Variants in TAB1 observed in about 807,000 individuals in gnomAD.
The protein encoded by TAB1 is TGF-beta-activated kinase 1 and MAP3K7-binding protein 1.
TAB1 carries 30 observed loss-of-function variants against 54.5 expected under a neutral mutation model. That is an observed-to-expected ratio of 0.55 (90% CI 0.41 to 0.75). The LOEUF (loss-of-function observed/expected upper bound fraction) is 0.75, where lower values mean the gene tolerates loss of function less well. Among genes scored for constraint, TAB1 ranks in the 30% least tolerant of loss-of-function variants. The pLI is 0.00. For synonymous variants in TAB1, 289 were observed against 286.9 expected (o/e 1.01, Z -0.07); for missense variants, 609 against 683.2 (o/e 0.89, Z 1.21).
Position 39,419,543 on chromosome 22 carries a change from A to G in TAB1, c.689A>G (p.Gln230Arg), listed in dbSNP as rs970780809. ...QLGLDAGKIKQVGIICGQEST... is the reference protein window; with the variant it reads ...QLGLDAGKIKRVGIICGQEST... ...GGCTTGGATGCTGGAAAGATCAAGC[A>G]GGTGGGGATCATCTGTGGGCAGGAG... The change falls in exon 7 of 11, where the codon CAG becomes CGG. Residue 230 changes from glutamine to arginine, a missense_variant. Coordinates refer to ENST00000216160, the MANE Select transcript of TAB1 (RefSeq NM_006116.3). 5 of 1,611,954 alleles carry G rather than the reference A, an allele frequency of 3.1e-6. No individual in the cohort carries two copies. Among genetic ancestry groups the G allele is most frequent in the African/African-American group, 1.3e-5 (1 of 74,992 alleles).
At chr22:39,421,688 C>G in intron 7 of TAB1, 139 bp from the exon 8 acceptor site, 1 of 943,246 alleles carries the variant, frequency 1.1e-6, no homozygotes, top group Non-Finnish European at 1.6e-6. Context: ...CTGACCTTCT[C>G]TTTCTCTCTT....
At chr22:39,433,552 G>T (rs1280685433), downstream of TAB1, 1 of 985,316 alleles carries the variant, frequency 1.0e-6, no homozygotes, top group African/African-American at 1.7e-5. Context: ...CCAGGACGGG[G>T]GCAGGTGGTC....
In TAB1 at chr22:39,418,740, C is replaced by T. The variant is rs1375452293; in HGVS notation, c.559C>T (p.Arg187Cys). Residue 187 changes from arginine to cysteine, a missense_variant, in exon 6 of 11, where the codon CGT becomes TGT. Physicochemically the swap from Arg to Cys is radical, Grantham distance 180 (BLOSUM62 -3). Transcript: ENST00000216160. ...KLYVANVGTN[R>C]ALLCKSTVDG... ...TTCACATTCTGCCACAGGTACAAAC[C>T]GTGCACTTTTATGCAAATCGACAGT... 5.0e-6 allele frequency: 8 copies of T among 1,613,102 alleles called. No individual in the cohort carries two copies. The highest frequency in any genetic ancestry group is 1.1e-5 in the South Asian group (1 of 91,056).
intron 10 of TAB1, 33 bp downstream of exon 10, chr22:39,428,216 C>A: frequency 3.4e-6 from 5 of 1,455,916 alleles, no homozygotes; most frequent in Non-Finnish European, 4.7e-6. Context: ...CACCCCCAGC[C>A]CTGTCACCCC....
chr22:39,420,391 T>C (rs909912989), intron 7 of TAB1, among the ~76,000 whole-genome samples: 5 of 152,046 alleles, frequency 3.3e-5, no homozygotes, highest in African/African-American at 1.2e-4. Context: ...AACCTGTATG[T>C]GAAGTGTTGG....
chr22:39,413,203 C>T (rs922301412), intron 1 of TAB1, among the ~76,000 whole-genome samples: 4 of 151,654 alleles, frequency 2.6e-5, no homozygotes, highest in Admixed American at 6.6e-5. Context: ...CTTGAGCCAC[C>T]GCGCCCGGCC....
In TAB1 at chr22:39,415,647, G is replaced by A; in HGVS notation, c.318G>A (p.Leu106=). 2 of 1,608,506 alleles carry A rather than the reference G, an allele frequency of 1.2e-6. No individual in the cohort carries two copies. The highest frequency in any genetic ancestry group is 1.3e-5 in the African/African-American group (1 of 75,052). The change falls in exon 3 of 11, where the codon CTG becomes CTA. Residue 106 remains leucine, a synonymous_variant. Transcript: ENST00000216160. This position sits in a 1 kb window ranked among gnomAD's most constrained non-coding sequence, Gnocchi z 4.9. The part of the protein sequence containing the change: ...EHAEADVRRV[L]LQAFDVVERS... ...CCGAGGCCGATGTGCGGCGTGTGCT[G>A]CTGCAGGTAATGGTGCCGGGGCCAA...
downstream of TAB1, chr22:39,431,938 T>C (rs1283203587): frequency 2.1e-6 from 2 of 933,218 alleles, no homozygotes; most frequent in Admixed American, 6.2e-5. Context: ...AGTGGACGCC[T>C]CCCCTCTTCA....
rs376520172 is a variant in TAB1, at chr22:39,430,100, C to T, written c.1393C>T (p.Arg465Trp). 20 of 1,613,922 alleles carry T rather than the reference C, an allele frequency of 1.2e-5. No homozygotes were observed. The highest frequency in any genetic ancestry group is 3.3e-5 in the South Asian group (3 of 91,082). Residue 465 changes from arginine to tryptophan, a missense_variant, in exon 11 of 11, where the codon CGG (arginine) becomes TGG (tryptophan). By Grantham distance (101) the Arg-to-Trp change is moderately radical. Transcript: ENST00000216160. ...SSSDGGLFRS[R>W]PAHSLPPGED... ...CTCTGACGGAGGCCTCTTCCGCTCCCGGCCCGCCCACTCGCTCCCGCCTGG... is the reference window on the plus strand; with the variant it reads ...CTCTGACGGAGGCCTCTTCCGCTCCTGGCCCGCCCACTCGCTCCCGCCTGG...
chr22:39,410,800 G>A (rs1260388789), intron 1 of TAB1, among the ~76,000 whole-genome samples: 1 of 152,164 alleles, frequency 6.6e-6, no homozygotes, highest in East Asian at 1.9e-4. Flanking sequence ...TAGATTTAAA[G>A]CAGTTCCAAT....
chr22:39,421,707 C>G, intron 7 of TAB1, 120 bp from the exon 8 acceptor site: 1 of 1,066,384 alleles, frequency 9.4e-7, no homozygotes, highest in Non-Finnish European at 1.4e-6. Context: ...TTTTCTTTTC[C>G]TCTTGTCAGG....
chr22:39,401,721 G>T (rs1199546121), intron 1 of TAB1, among the ~76,000 whole-genome samples: 1 of 152,218 alleles, frequency 6.6e-6, no homozygotes. Context: ...TAAACACATT[G>T]CATCTTGGTG....
rs201015030 is a variant in TAB1 at position 39,426,842 on chromosome 22, G to A, written c.1061G>A (p.Arg354Gln). The change falls in exon 9 of 11, where the codon CGG becomes CAG. Residue 354 changes from arginine to glutamine, a missense_variant. Arg to Gln is a conservative substitution (Grantham distance 43, BLOSUM62 1). Transcript: ENST00000216160. ...SGGERARFCPRHEDMTLLVRN... is the reference protein window; with the variant it reads ...SGGERARFCPQHEDMTLLVRN... ...GGGGAGCGTGCCAGGTTCTGCCCCC[G>A]GCACGAGGACATGACCCTGCTAGTG... The A allele has an allele frequency of 2.4e-4, 380 of 1,613,644 alleles. No homozygotes were observed. The highest frequency in any genetic ancestry group is 3.0e-4 in the Non-Finnish European group (352 of 1,180,034).
chr22:39,424,209 G>A (rs1425679702), intron 8 of TAB1, among the ~76,000 whole-genome samples: 2 of 152,168 alleles, frequency 1.3e-5, no homozygotes, highest in Non-Finnish European at 2.9e-5. Flanking sequence ...GTATTCCATA[G>A]TTTATAGATA....
At chr22:39,434,616 G>A (rs566959179), downstream of TAB1, among the ~76,000 whole-genome samples, 3 of 152,358 alleles carry the variant, frequency 2.0e-5, no homozygotes, top group South Asian at 4.1e-4. Flanking sequence ...CTGGGCGGCC[G>A]CGTCAGGGAC....
chr22:39,431,407 C>T lies in TAB1; in HGVS notation c.*1185C>T. 1.0e-6 allele frequency: 1 copy of T among 985,540 alleles called. No individual in the cohort carries two copies. 61.0% of individuals were successfully genotyped at this position (985,540 alleles called of 1,614,324 possible). ...TCAGTGGGGCAGCCAGAGCTCAGAC[C>T]TGAGCCATTTTGTCAGTATCCAGGA... On this transcript the variant is annotated 3_prime_UTR_variant, in exon 11 of 11. Coordinates refer to ENST00000216160, the MANE Select transcript of TAB1 (RefSeq NM_006116.3).
chr22:39,423,055 C>T (rs1397485759), intron 8 of TAB1, among the ~76,000 whole-genome samples: 2 of 151,958 alleles, frequency 1.3e-5, no homozygotes, highest in Admixed American at 1.3e-4. Flanking sequence ...TCACTGCACC[C>T]TCAACCTTCT....
intron 1 of TAB1, among the ~76,000 whole-genome samples, chr22:39,412,221 G>A (rs967883546): frequency 6.6e-6 from 1 of 152,120 alleles, no homozygotes; most frequent in Non-Finnish European, 1.5e-5. Flanking sequence ...TGTATTTTCA[G>A]TAGAGACAGG....
In TAB1 at chr22:39,430,369, T is replaced by C; in HGVS notation, c.*147T>C. ...CTCTGTCCCATGGCTCTCCGGGCAG[T>C]AGAGTGTGTGAGTGCAGACTGGACC... On this transcript the variant is annotated 3_prime_UTR_variant, in exon 11 of 11. Transcript: ENST00000216160. 5 of 1,480,324 alleles carry C rather than the reference T, an allele frequency of 3.4e-6. No individual in the cohort carries two copies. Among genetic ancestry groups the C allele is most frequent in the Non-Finnish European group, 4.5e-6 (5 of 1,115,878 alleles). The allele number at this position is 1,480,324 out of a possible 1,614,324, so 91.7% of individuals were successfully genotyped here.
Sources: gnomAD v4.1 joint callset for allele counts (sites outside exome capture counted in the v4.1 genomes callset) on GRCh38, gnomAD v4.1.1 for gene constraint, Gnocchi (gnomAD v3.1) non-coding constraint, MANE v1.5 for transcripts, NCBI Gene and HGNC (gene_info 2026-07-23, HGNC 2026-07-21) for gene names.